Variants in FANK1 observed in about 807,000 individuals in gnomAD.
FANK1 encodes fibronectin type 3 and ankyrin repeat domains protein 1.
Under a neutral mutation model 45.3 loss-of-function variants are expected in FANK1, and 44 were observed. The ratio of observed to expected loss-of-function variants is 0.97; its 90% CI spans 0.76 to 1.25. The LOEUF is 1.25. Ranked by LOEUF, FANK1 falls within the 50% of genes most tolerant of loss-of-function variation. The pLI is 0.00. For missense variants in FANK1, 391 were observed against 424.4 expected, an observed-to-expected ratio of 0.92 and a Z score of 0.69; for synonymous variants, 149 against 152.5, an observed-to-expected ratio of 0.98 and a Z score of 0.17.
At chr10:126,004,380 A>C (rs1235582917) in intron 6 of FANK1, 1 of 152,454 alleles carries the variant, frequency 6.6e-6, no homozygotes, top group African/African-American at 2.4e-5. Flanking sequence ...AGATACCATA[A>C]AATTCACCTT....
intron 1 of FANK1, among the ~76,000 whole-genome samples, chr10:125,953,922 A>G (rs148700080): frequency 6.6e-6 from 1 of 152,336 alleles, no homozygotes; most frequent in African/African-American, 2.4e-5. Flanking sequence ...AGAGTCGCAA[A>G]GAAAATGAGC....
chr10:125,969,473 G>A (rs1299115618), intron 1 of FANK1, among the ~76,000 whole-genome samples: 2 of 152,152 alleles, frequency 1.3e-5, no homozygotes, highest in African/African-American at 4.8e-5. Flanking sequence ...ATCTGTGGGT[G>A]TGTTGTATCT....
At chr10:125,958,868 C>G (rs907498310) in intron 1 of FANK1, among the ~76,000 whole-genome samples, 2 of 152,174 alleles carry the variant, frequency 1.3e-5, no homozygotes, top group African/African-American at 4.8e-5. Context: ...ATCCCATGCT[C>G]ATGGATCAGA....
chr10:125,898,181 A>T (rs1395785510), intron 1 of FANK1, among the ~76,000 whole-genome samples: 1 of 152,074 alleles, frequency 6.6e-6, no homozygotes, highest in Non-Finnish European at 1.5e-5. Flanking sequence ...GCGAGACTCC[A>T]TCTCGAAAAA....
At chr10:125,961,316 G>A (rs1195079873) in intron 1 of FANK1, among the ~76,000 whole-genome samples, 1 of 151,972 alleles carries the variant, frequency 6.6e-6, no homozygotes, top group Non-Finnish European at 1.5e-5. Flanking sequence ...ACTATATTGT[G>A]TAGGCTGGTC....
At chr10:125,932,183 G>C (rs1181174544) in intron 1 of FANK1, among the ~76,000 whole-genome samples, 2 of 152,084 alleles carry the variant, frequency 1.3e-5, no homozygotes, top group African/African-American at 4.8e-5. Context: ...GGCTCTGCGG[G>C]CTCTTTTTTG....
At chr10:125,919,843 C>T (rs1209840262) in intron 1 of FANK1, among the ~76,000 whole-genome samples, 1 of 152,120 alleles carries the variant, frequency 6.6e-6, no homozygotes, top group East Asian at 1.9e-4. Flanking sequence ...ATTGTATTCT[C>T]TTGGGAATGC....
intron 6 of FANK1, among the ~76,000 whole-genome samples, chr10:126,002,658 T>G (rs944645347): frequency 4.6e-5 from 7 of 152,166 alleles, no homozygotes; most frequent in African/African-American, 1.7e-4. Flanking sequence ...AACTCTCTAT[T>G]TTGAAATATT....
At chr10:125,933,423 A>G (rs1406405227) in intron 1 of FANK1, among the ~76,000 whole-genome samples, 2 of 152,028 alleles carry the variant, frequency 1.3e-5, no homozygotes, top group Non-Finnish European at 2.9e-5. Flanking sequence ...ATGTGTGTAA[A>G]GGTGTTCACA....
chr10:125,951,189 CAT>C (rs1949198211), intron 1 of FANK1, among the ~76,000 whole-genome samples: 2 of 146,312 alleles, frequency 1.4e-5, no homozygotes, highest in South Asian at 4.4e-4. Flanking sequence ...CACATGTATA[CAT>C]ATGTAACCTG....
intron 1 of FANK1, among the ~76,000 whole-genome samples, chr10:125,979,435 G>A (rs924771905): frequency 5.3e-5 from 8 of 152,136 alleles, no homozygotes; most frequent in Admixed American, 5.2e-4. Flanking sequence ...AATTTTAATA[G>A]ATGCTTCCAT....
intron 1 of FANK1, among the ~76,000 whole-genome samples, chr10:125,947,989 C>G (rs1948932994): frequency 6.6e-6 from 1 of 150,548 alleles, no homozygotes; most frequent in Non-Finnish European, 1.5e-5. Flanking sequence ...TACCTGGAAA[C>G]TGAACAACCT....
At position 125,990,972 on chromosome 10, in the gene FANK1, G is replaced by T. The variant is rs186296820; in HGVS notation, c.316+2297G>T. 9.2e-5 allele frequency among the ~76,000 whole-genome samples: 14 copies of T among 152,282 alleles called. No individual in the cohort carries two copies. The East Asian group carries it at 2.7e-3, about 29-fold the overall frequency. On this transcript the variant is annotated intron_variant, in intron 3 of 10. Coordinates refer to ENST00000368693, the MANE Select transcript of FANK1 (RefSeq NM_145235.5). ...TTATTCACTATCATGAGAACAGCAT[G>T]GGAAAGCCCCACCCCCATGATTCAG...
At chr10:125,997,620 A>G (rs2134221547) in intron 6 of FANK1, 135 bp downstream of exon 6, 1 of 750,588 alleles carries the variant, frequency 1.3e-6, no homozygotes. Context: ...TGGGTCGCTG[A>G]GGAAAGATGG....
chr10:125,969,631 T>G (rs932506378), intron 1 of FANK1, among the ~76,000 whole-genome samples: 1 of 151,564 alleles, frequency 6.6e-6, no homozygotes, highest in African/African-American at 2.4e-5. Context: ...TTTTTTTAAA[T>G]TTTTTTTAGT....
chr10:125,960,749 A>G (rs1042024206), intron 1 of FANK1, among the ~76,000 whole-genome samples: 1 of 152,130 alleles, frequency 6.6e-6, no homozygotes, highest in Non-Finnish European at 1.5e-5. Context: ...GTTAGCCAGG[A>G]TGGTCTCGAT....
At chr10:125,951,978 A>T (rs532572414) in intron 1 of FANK1, among the ~76,000 whole-genome samples, 1 of 152,134 alleles carries the variant, frequency 6.6e-6, no homozygotes, top group Non-Finnish European at 1.5e-5. Context: ...TCACTGGAAC[A>T]TTTGTTTCTT....
chr10:125,980,339 G>A lies in FANK1; in HGVS notation c.191+1G>A, dbSNP rs149265502. ...TGCACACTTATGGTATCATTTATAC[G>A]TAGGTGCAGTGTTGAATTGCTTGCC... On this transcript the variant is annotated splice_donor_variant, in intron 2 of 10. Transcript: ENST00000368693. LOFTEE classifies it high-confidence loss of function. 2.5e-6 allele frequency: 4 copies of A among 1,612,764 alleles called. No individual in the cohort carries two copies. The highest frequency in any genetic ancestry group is 1.7e-4 in the Middle Eastern group (1 of 6,050).
intron 6 of FANK1, among the ~76,000 whole-genome samples, chr10:125,998,389 A>T (rs530309647): frequency 6.6e-6 from 1 of 152,268 alleles, no homozygotes; most frequent in Non-Finnish European, 1.5e-5. Flanking sequence ...CTTAAATATC[A>T]CTTATAAATT....
Sources: gnomAD v4.1 joint callset for allele counts (sites outside exome capture counted in the v4.1 genomes callset) on GRCh38, gnomAD v4.1.1 for gene constraint, MANE v1.5 for transcripts, NCBI Gene and HGNC (gene_info 2026-07-23, HGNC 2026-07-21) for gene names.